Variants in USP43 observed in about 807,000 individuals in gnomAD.
USP43 encodes ubiquitin specific peptidase 43.
USP43 carries 33 observed loss-of-function variants against 90.7 expected under a neutral mutation model. The ratio of observed to expected loss-of-function variants is 0.36; its 90% confidence interval spans 0.28 to 0.49. The LOEUF is 0.49. Among genes scored for constraint, USP43 ranks in the 20% least tolerant of loss-of-function variants. USP43 has a pLI of 0.98. For missense variants in USP43, 1,274 were observed against 1,476.4 expected (o/e 0.86, Z 2.25); for synonymous variants, 598 against 615.8 (o/e 0.97, Z 0.43).
At chr17:9,690,459 A>T (rs906978672) in intron 8 of USP43, among the ~76,000 whole-genome samples, 1 of 152,192 alleles carries the variant, frequency 6.6e-6, no homozygotes, top group Non-Finnish European at 1.5e-5. Flanking sequence ...TTAACCACTC[A>T]TAAGTGTATA....
In USP43 at chr17:9,728,440, A is replaced by C; in HGVS notation, c.2822A>C (p.His941Pro). 6.2e-7 allele frequency: 1 copy of C among 1,612,192 alleles called. No homozygotes were observed. ...LPLTVMPSVE[H>P]EKPARPEGQK... Reference sequence around the variant, plus strand: ...CTCACTGTGATGCCTTCAGTGGAGCATGAGAAACCAGCTCGACCGGAGGGC... The same window carrying C: ...CTCACTGTGATGCCTTCAGTGGAGCCTGAGAAACCAGCTCGACCGGAGGGC... Residue 941 changes from histidine to proline, a missense_variant, in exon 15 of 15, where the codon CAT (histidine) becomes CCT (proline). Physicochemically the swap from His to Pro is moderately conservative, Grantham distance 77. Around this residue, in one of 6 missense-constraint regions of USP43, gnomAD observed 353 missense variants for 329.7 expected, o/e 1.07. Coordinates refer to ENST00000285199, the MANE Select transcript of USP43 (RefSeq NM_153210.5). This position sits in a 1 kb window ranked among gnomAD's most constrained non-coding sequence, Gnocchi z 6.2.
At position 9,701,269 on chromosome 17, in the gene USP43, C is replaced by T; in HGVS notation, c.1662+24C>T. On this transcript the variant is annotated intron_variant, in intron 11 of 14. Transcript: ENST00000285199. This position sits in a 1 kb window ranked among gnomAD's most constrained non-coding sequence, Gnocchi z 7.2. ...AGGTCCCGCCCTGGGGGTCCATGCC[C>T]CGGCCGGGAAGGGGGCTGGCTGCCT... 1.2e-6 allele frequency: 2 copies of T among 1,602,926 alleles called. No individual in the cohort carries two copies. The highest frequency in any genetic ancestry group is 1.3e-5 in the African/African-American group (1 of 74,882).
At chr17:9,662,450 G>A (rs567357653) in intron 2 of USP43, among the ~76,000 whole-genome samples, 12 of 152,250 alleles carry the variant, frequency 7.9e-5, no homozygotes, top group African/African-American at 1.9e-4. Flanking sequence ...TGAATGGAAC[G>A]GGGGTTCTCC....
Position 9,701,445 on chromosome 17 carries a change from A to G in USP43, c.1756A>G (p.Ile586Val), listed in dbSNP as rs1915564898. The change falls in exon 12 of 15, where the codon ATC becomes GTC. Residue 586 changes from isoleucine (I) to valine (V), a missense_variant. Transcript: ENST00000285199. This position sits in a 1 kb window ranked among gnomAD's most constrained non-coding sequence, Gnocchi z 7.2. ...TTTGTGGACGCTGCCTGACATCCTC[A>G]TCATCCACCTCAAAAGGTTCTGCCA... is the stretch of plus-strand genomic sequence containing the variant. ...LSLWTLPDIL[I>V]IHLKRFCQVG... is the part of the protein sequence containing the mutation. 5.0e-6 allele frequency: 8 copies of G among 1,597,820 alleles called. No homozygotes were observed. Among genetic ancestry groups the G allele is most frequent in the South Asian group, 1.1e-5 (1 of 87,844 alleles).
intron 2 of USP43, among the ~76,000 whole-genome samples, chr17:9,660,943 T>C (rs1912600411): frequency 6.6e-6 from 1 of 152,206 alleles, no homozygotes; most frequent in Non-Finnish European, 1.5e-5. Flanking sequence ...AACAGAGCTG[T>C]TGGGATTATC....
chr17:9,698,282 C>G (rs1327342112), intron 9 of USP43, among the ~76,000 whole-genome samples: 6 of 152,194 alleles, frequency 3.9e-5, no homozygotes, highest in Admixed American at 6.5e-5. Context: ...TAGGCTGCCT[C>G]TTTATTCTGT....
intron 2 of USP43, among the ~76,000 whole-genome samples, chr17:9,663,513 G>A (rs9898209): frequency 3.3e-5 from 5 of 152,170 alleles, no homozygotes; most frequent in African/African-American, 1.2e-4. Context: ...GGCCGGGCTG[G>A]TCTTGAACTC....
At chr17:9,649,880 ATAAT>A (rs1165410327) in intron 1 of USP43, among the ~76,000 whole-genome samples, 1 of 152,140 alleles carries the variant, frequency 6.6e-6, no homozygotes, top group East Asian at 1.9e-4. Context: ...ACAATCATTA[ATAAT>A]TAAGTCTTTA....
intron 1 of USP43, 21 bp from the exon 2 acceptor site, chr17:9,656,382 G>C (rs770701908): frequency 1.2e-6 from 2 of 1,606,912 alleles, no homozygotes; most frequent in African/African-American, 2.7e-5. Context: ...TTCACCTCTC[G>C]ATTTCCTTTT....
chr17:9,724,259 G>A (rs146839990), intron 14 of USP43, among the ~76,000 whole-genome samples: 4 of 152,202 alleles, frequency 2.6e-5, no homozygotes, highest in African/African-American at 7.2e-5. Flanking sequence ...TCAACTCATC[G>A]GTGTAGCTTT....
At chr17:9,664,023 C>T (rs1465960326) in intron 2 of USP43, among the ~76,000 whole-genome samples, 1 of 152,252 alleles carries the variant, frequency 6.6e-6, no homozygotes, top group African/African-American at 2.4e-5. Flanking sequence ...ACCAGACTCA[C>T]TTTCCAGCCC....
chr17:9,683,135 G>A (rs1367461450), intron 7 of USP43, among the ~76,000 whole-genome samples, 177 bp downstream of exon 7: 1 of 152,194 alleles, frequency 6.6e-6, no homozygotes, highest in African/African-American at 2.4e-5. Context: ...TTTGGCTAAC[G>A]TCATCATTCC....
intron 2 of USP43, among the ~76,000 whole-genome samples, chr17:9,664,771 G>A (rs1432740450): frequency 3.3e-5 from 5 of 151,672 alleles, no homozygotes; most frequent in South Asian, 2.1e-4. Context: ...CCGAGTAGCC[G>A]GGACTACAGG....
intron 14 of USP43, among the ~76,000 whole-genome samples, chr17:9,721,040 T>C (rs1916926864): frequency 6.6e-6 from 1 of 152,220 alleles, no homozygotes; most frequent in Non-Finnish European, 1.5e-5. Flanking sequence ...CCAAGTGTTT[T>C]GGAGACTGCA....
At chr17:9,692,592 C>A (rs1016253857) in intron 8 of USP43, among the ~76,000 whole-genome samples, 4 of 152,142 alleles carry the variant, frequency 2.6e-5, no homozygotes, top group Non-Finnish European at 5.9e-5. Context: ...TCATTGTAAG[C>A]CTCATTTCAA....
At chr17:9,692,947 G>A (rs1272691974) in intron 8 of USP43, among the ~76,000 whole-genome samples, 180 bp from the exon 9 acceptor site, 5 of 152,116 alleles carry the variant, frequency 3.3e-5, no homozygotes, top group African/African-American at 1.2e-4. Context: ...AGGGTATAGT[G>A]TGAATCTGAA....
At chr17:9,695,906 C>T (rs1915228929) in intron 9 of USP43, among the ~76,000 whole-genome samples, 1 of 152,116 alleles carries the variant, frequency 6.6e-6, no homozygotes, top group Admixed American at 6.6e-5. Context: ...ATTCACTAAC[C>T]ACCATGTTTT....
chr17:9,670,935 G>T (rs1189152559), intron 3 of USP43, among the ~76,000 whole-genome samples: 24 of 152,172 alleles, frequency 1.6e-4, no homozygotes. Flanking sequence ...TGGTCAGTGG[G>T]GGAAGTGCCT....
At chr17:9,706,631 ATTTTTTTTTTTTTTTTT>A (rs34165346) in intron 12 of USP43, among the ~76,000 whole-genome samples, 13 of 84,466 alleles carry the variant, frequency 1.5e-4, no homozygotes, top group African/African-American at 3.5e-4. Flanking sequence ...TCAGATATTA[ATTTTTTTTTTTTTTTTT>A]TTTTTTTTTT....
Sources: allele counts gnomAD v4.1 joint callset (sites outside exome capture counted in the v4.1 genomes callset), GRCh38; gene constraint gnomAD v4.1.1; regional missense constraint gnomAD v4.1.1; non-coding constraint Gnocchi (gnomAD v3.1); transcripts MANE v1.5; gene names NCBI Gene and HGNC (gene_info 2026-07-23, HGNC 2026-07-21).